Variants in CORIN observed in about 807,000 individuals in gnomAD.
CORIN encodes the protein corin, serine peptidase, also known as atrial natriuretic peptide-converting enzyme.
Under a neutral mutation model 125.3 loss-of-function variants are expected in CORIN, and 117 were observed. That is an observed-to-expected ratio of 0.93 (90% CI 0.80 to 1.09). The LOEUF is 1.09. CORIN is among the 50% of genes least tolerant of loss of function. The pLI is 0.00. For missense variants in CORIN, 1,253 were observed against 1,306.7 expected (o/e 0.96, Z 0.63); for synonymous variants, 450 against 466.4 (o/e 0.96, Z 0.45).
At chr4:47,780,601 A>T (rs1006302238) in intron 3 of CORIN, among the ~76,000 whole-genome samples, 12 of 151,716 alleles carry the variant, frequency 7.9e-5, no homozygotes, top group South Asian at 2.1e-4. Flanking sequence ...GTCAAAGTTA[A>T]TTTTTTTTTA....
At chr4:47,602,478 T>G (rs1721485439) in intron 20 of CORIN, among the ~76,000 whole-genome samples, 1 of 152,222 alleles carries the variant, frequency 6.6e-6, no homozygotes, top group Admixed American at 6.5e-5. Flanking sequence ...TTGAAGGATT[T>G]ATAGTTTGTA....
At chr4:47,760,186 G>T (rs1729381766) in intron 4 of CORIN, among the ~76,000 whole-genome samples, 1 of 152,172 alleles carries the variant, frequency 6.6e-6, no homozygotes, top group African/African-American at 2.4e-5. Context: ...TTAATGGGCT[G>T]CAGAATAGAT....
chr4:47,797,878 G>A (rs1322930402), intron 2 of CORIN, among the ~76,000 whole-genome samples: 3 of 152,088 alleles, frequency 2.0e-5, no homozygotes, highest in Admixed American at 6.6e-5. Context: ...CTAGTAAATG[G>A]AAGAGTAAAA....
chr4:47,744,054 G>A (rs1405611189), intron 5 of CORIN, among the ~76,000 whole-genome samples: 2 of 152,188 alleles, frequency 1.3e-5, no homozygotes, highest in African/African-American at 2.4e-5. Context: ...ACAATATGAA[G>A]ATGTAATTAA....
Position 47,603,384 on chromosome 4 carries a change from T to C in CORIN, c.2812+13A>G. On this transcript the variant is annotated intron_variant, in intron 20 of 21. Transcript: ENST00000273857. Reference sequence around the variant, plus strand: ...TTATAGCAGCATGAGAATGGACTAATACACTGGCTTACTTTTATTGCCCAT... The same window carrying C: ...TTATAGCAGCATGAGAATGGACTAACACACTGGCTTACTTTTATTGCCCAT... 1 of 1,612,596 alleles carries C rather than the reference T, an allele frequency of 6.2e-7. No individual in the cohort carries two copies. Among genetic ancestry groups the C allele is most frequent in the Non-Finnish European group, 8.5e-7 (1 of 1,179,672 alleles).
chr4:47,653,711 C>T, intron 12 of CORIN, 51 bp from the exon 13 acceptor site: 1 of 1,458,420 alleles, frequency 6.9e-7, no homozygotes, highest in Non-Finnish European at 9.6e-7. Flanking sequence ...GAAACATCAG[C>T]TAATTTATGT....
chr4:47,650,174 T>C (rs1723676778), intron 13 of CORIN, among the ~76,000 whole-genome samples: 1 of 152,152 alleles, frequency 6.6e-6, no homozygotes, highest in African/African-American at 2.4e-5. Flanking sequence ...TTATTTAAGA[T>C]CAAGAGGAGA....
intron 2 of CORIN, among the ~76,000 whole-genome samples, chr4:47,798,979 G>A (rs576535237): frequency 5.9e-5 from 9 of 152,206 alleles, no homozygotes; most frequent in African/African-American, 1.9e-4. Context: ...TCTTATAAGT[G>A]AGAACATGTG....
chr4:47,754,480 T>C (rs1729047430), intron 4 of CORIN, among the ~76,000 whole-genome samples: 1 of 152,274 alleles, frequency 6.6e-6, no homozygotes, highest in Non-Finnish European at 1.5e-5. Flanking sequence ...TCTATATATA[T>C]TTTAAAAAAT....
At chr4:47,670,756 A>C (rs1375467390) in intron 10 of CORIN, among the ~76,000 whole-genome samples, 1 of 152,064 alleles carries the variant, frequency 6.6e-6, no homozygotes, top group African/African-American at 2.4e-5. Context: ...CACAAGGGAG[A>C]AGTGATGGAT....
chr4:47,665,598 T>C (rs1295530233), intron 10 of CORIN, among the ~76,000 whole-genome samples: 2 of 152,220 alleles, frequency 1.3e-5, no homozygotes, highest in East Asian at 1.9e-4. Context: ...ATCTTCTTCT[T>C]CTGATTTACT....
Position 47,623,117 on chromosome 4 carries a change from T to TATATATATATATATACACAC in CORIN, c.2540+453_2540+454insGTGTGTATATATATATATAT, listed in dbSNP as rs141525347. ...CTCTCTATATATATATATATATATATACACACACACACACACTCTCTCTGA... is the reference window on the plus strand; with the variant it reads ...CTCTCTATATATATATATATATATATATATATATATATATACACACACACACACACACACACTCTCTCTGA... On this transcript the variant is annotated intron_variant, in intron 19 of 21. Coordinates refer to ENST00000273857, the MANE Select transcript of CORIN (RefSeq NM_006587.4). 2.1e-3 allele frequency among the ~76,000 whole-genome samples: 287 copies of TATATATATATATATACACAC among 134,292 alleles called. 1 individual carries two copies. Among genetic ancestry groups the TATATATATATATATACACAC allele is most frequent in the East Asian group, 9.6e-3 (41 of 4,264 alleles). The allele number at this position is 134,292 out of a possible 152,430, so 88.1% of individuals were successfully genotyped here. A position where few individuals can be genotyped will look rare whatever the true frequency, so the allele number is the denominator to read the frequency against.
At chr4:47,659,755 A>G (rs1287183515) in intron 12 of CORIN, among the ~76,000 whole-genome samples, 2 of 152,242 alleles carry the variant, frequency 1.3e-5, no homozygotes, top group Non-Finnish European at 2.9e-5. Flanking sequence ...AGATCTGAGC[A>G]GGGACAAATA....
intron 5 of CORIN, among the ~76,000 whole-genome samples, chr4:47,724,394 C>T (rs1252555363): frequency 6.6e-6 from 1 of 151,774 alleles, no homozygotes. Context: ...TGTATATTAT[C>T]AAAAGGTCCA....
intron 9 of CORIN, among the ~76,000 whole-genome samples, chr4:47,677,684 G>A (rs1190583498): frequency 1.3e-5 from 2 of 152,056 alleles, no homozygotes; most frequent in South Asian, 2.1e-4. Flanking sequence ...TTTCCCCATC[G>A]AACAGTTAAG....
At chr4:47,642,170 T>C (rs1180000921) in intron 15 of CORIN, 121 bp from the exon 16 acceptor site, 7 of 1,030,932 alleles carry the variant, frequency 6.8e-6, no homozygotes, top group Non-Finnish European at 9.7e-6. Flanking sequence ...TAGTTAATCA[T>C]TTGATGTGTA....
chr4:47,768,010 T>A (rs1321822984), intron 3 of CORIN, among the ~76,000 whole-genome samples: 1 of 152,166 alleles, frequency 6.6e-6, no homozygotes, highest in Non-Finnish European at 1.5e-5. Flanking sequence ...AACTGAAGAA[T>A]CACAAAAGAA....
rs201763456 is a variant in CORIN, at chr4:47,653,587, G to A, written c.1809C>T (p.Ala603=). ...CCTCATCACTGTCATCGTCACAGTCGGCCTGGCCATCACATCTTCTGGAAG... is the reference window on the plus strand; with the variant it reads ...CCTCATCACTGTCATCGTCACAGTCAGCCTGGCCATCACATCTTCTGGAAG... ...VLASRRCDGQ[A]DCDDDSDEEN... Residue 603 remains alanine, a synonymous_variant, in exon 13 of 22, where the codon GCC becomes GCT. Coordinates refer to ENST00000273857, the MANE Select transcript of CORIN (RefSeq NM_006587.4). 26 of 1,613,824 alleles carry A rather than the reference G, an allele frequency of 1.6e-5. No homozygotes were observed. Among genetic ancestry groups the A allele is most frequent in the Middle Eastern group, 1.6e-4 (1 of 6,084 alleles).
intron 6 of CORIN, among the ~76,000 whole-genome samples, chr4:47,692,228 G>A (rs1407144220): frequency 6.6e-6 from 1 of 152,216 alleles, no homozygotes; most frequent in Non-Finnish European, 1.5e-5. Flanking sequence ...CTTGCATGTA[G>A]TGTTCTAATT....
Sources: gnomAD v4.1 joint callset for allele counts (sites outside exome capture counted in the v4.1 genomes callset) on GRCh38, gnomAD v4.1.1 for gene constraint, MANE v1.5 for transcripts, NCBI Gene and HGNC (gene_info 2026-07-23, HGNC 2026-07-21) for gene names.